The following C2CD2 variants were observed in gnomAD, a reference collection of about 807,000 sequenced individuals.
C2CD2 encodes C2 domain-containing protein 2.
A neutral mutation model predicts 74.3 loss-of-function variants in C2CD2; 43 were observed. That is an observed-to-expected ratio of 0.58 (90% CI 0.45 to 0.75). C2CD2 has a LOEUF of 0.75. C2CD2 is among the 30% of genes least tolerant of loss of function. C2CD2 has a pLI of 0.00. For synonymous variants in C2CD2, 422 were observed against 390.7 expected (o/e 1.08, Z -0.94); for missense variants, 801 against 916.3 (o/e 0.87, Z 1.63).
At chr21:41,902,576 C>A (rs2064912484) in intron 11 of C2CD2, among the ~76,000 whole-genome samples, 2 of 152,206 alleles carry the variant, frequency 1.3e-5, no homozygotes, top group African/African-American at 4.8e-5. Context: ...CTTACACTTT[C>A]CTGCTCAGGT....
chr21:41,928,558 A>AAAAAAAAAAAAC, intron 2 of C2CD2, among the ~76,000 whole-genome samples: 1 of 151,364 alleles, frequency 6.6e-6, no homozygotes, highest in Non-Finnish European at 1.5e-5. Flanking sequence ...AAAAAAAAAA[A>AAAAAAAAAAAAC]AAAAAAAAAA....
At chr21:41,889,981 A>C (rs1247349011) in intron 13 of C2CD2, among the ~76,000 whole-genome samples, 1 of 152,124 alleles carries the variant, frequency 6.6e-6, no homozygotes, top group African/African-American at 2.4e-5. Flanking sequence ...ATGGAGGCAG[A>C]CAGCTATTGC....
chr21:41,951,367 C>T (rs1173943748), intron 1 of C2CD2, among the ~76,000 whole-genome samples: 1 of 150,164 alleles, frequency 6.7e-6, no homozygotes, highest in East Asian at 2.0e-4. Flanking sequence ...CCACCCCCGT[C>T]CCCAGGAAAG....
chr21:41,944,804 A>G (rs2065385519), intron 1 of C2CD2, among the ~76,000 whole-genome samples: 1 of 152,222 alleles, frequency 6.6e-6, no homozygotes, highest in Non-Finnish European at 1.5e-5. Context: ...AGAAAAAGAA[A>G]CACACAAGAA....
At chr21:41,940,076 T>C (rs1370817798) in intron 2 of C2CD2, among the ~76,000 whole-genome samples, 1 of 152,192 alleles carries the variant, frequency 6.6e-6, no homozygotes, top group Non-Finnish European at 1.5e-5. Context: ...GGATTCGAGA[T>C]GCTTGACTAG....
chr21:41,901,276 T>C (rs566537646), intron 12 of C2CD2: 3 of 347,842 alleles, frequency 8.6e-6, no homozygotes, highest in Non-Finnish European at 1.6e-5. Context: ...AAAGTGAAAG[T>C]TCCCCGTGAC....
chr21:41,894,503 G>C, intron 13 of C2CD2: 1 of 392,920 alleles, frequency 2.5e-6, no homozygotes, highest in South Asian at 1.9e-5. Flanking sequence ...CAGCGTCTGA[G>C]AAGTGGCCAG....
chr21:41,941,966 T>C (rs1318431335), intron 2 of C2CD2, 181 bp downstream of exon 2: 1 of 340,776 alleles, frequency 2.9e-6, no homozygotes, highest in African/African-American at 2.2e-5. Flanking sequence ...CGGAATAACG[T>C]CCCATTATGT....
intron 5 of C2CD2, among the ~76,000 whole-genome samples, chr21:41,916,678 C>CAA (rs2065095451): frequency 6.7e-6 from 1 of 149,624 alleles, no homozygotes; most frequent in South Asian, 2.1e-4. Context: ...CACACACACA[C>CAA]ACACACACAC....
At position 41,906,982 on chromosome 21, in the gene C2CD2, G is replaced by T. The variant is rs1426593865; in HGVS notation, c.1318+10C>A. ...CAGAAAGTTCCTCGACTGCGTTCCT[G>T]TTGTCTCACCAGAGCTCAGCGGGGA... On this transcript the variant is annotated intron_variant, in intron 10 of 13. Coordinates refer to ENST00000380486, the MANE Select transcript of C2CD2 (RefSeq NM_015500.2). 6.2e-7 allele frequency: 1 copy of T among 1,610,118 alleles called. No individual in the cohort carries two copies. Among genetic ancestry groups the T allele is most frequent in the East Asian group, 2.2e-5 (1 of 44,816 alleles).
At chr21:41,915,065 G>C (rs1005915615) in intron 5 of C2CD2, among the ~76,000 whole-genome samples, 1 of 152,150 alleles carries the variant, frequency 6.6e-6, no homozygotes, top group Non-Finnish European at 1.5e-5. Flanking sequence ...TATCTGACCC[G>C]GGCAGGTGCT....
intron 1 of C2CD2, among the ~76,000 whole-genome samples, chr21:41,947,491 T>C (rs1221531404): frequency 1.3e-5 from 2 of 152,204 alleles, no homozygotes; most frequent in African/African-American, 4.8e-5. Flanking sequence ...ATTAATCTCC[T>C]TGTGTTATGA....
chr21:41,888,993 C>T lies in C2CD2; in HGVS notation c.*131G>A, dbSNP rs750388485. The stretch of plus-strand genomic sequence containing the variant: ...CAGATTTTGTTTTCCCTTTAAATGA[C>T]GAGATGGTTGGAAGAAACCCAGCAA... On this transcript the variant is annotated 3_prime_UTR_variant, in exon 14 of 14. Transcript: ENST00000380486. The T allele has an allele frequency of 2.7e-5, 19 of 711,050 alleles. No homozygotes were observed. The highest frequency in any genetic ancestry group is 2.6e-4 in the Admixed American group (11 of 41,572). 44.0% of individuals were successfully genotyped at this position (711,050 alleles called of 1,614,324 possible).
chr21:41,907,232 A>G (rs2064973584), intron 9 of C2CD2, 66 bp from the exon 10 acceptor site: 1 of 1,239,998 alleles, frequency 8.1e-7, no homozygotes, highest in Admixed American at 1.7e-5. Flanking sequence ...CAGCCAGGTA[A>G]CACTGCCTTC....
At chr21:41,941,760 C>T (rs1326234351) in intron 2 of C2CD2, among the ~76,000 whole-genome samples, 1 of 152,154 alleles carries the variant, frequency 6.6e-6, no homozygotes. Context: ...TCTCCATTTT[C>T]CCCCAAGAGT....
At chr21:41,896,812 C>T in intron 13 of C2CD2, among the ~76,000 whole-genome samples, 1 of 151,948 alleles carries the variant, frequency 6.6e-6, no homozygotes, top group Non-Finnish European at 1.5e-5. Flanking sequence ...GACTTGGCAC[C>T]CATAACACAG....
At chr21:41,944,325 A>C (rs1292119788) in intron 1 of C2CD2, among the ~76,000 whole-genome samples, 1 of 152,082 alleles carries the variant, frequency 6.6e-6, no homozygotes, top group African/African-American at 2.4e-5. Flanking sequence ...ATCCTGGCTA[A>C]CATGGTGAAA....
At chr21:41,901,836 A>C in intron 11 of C2CD2, 87 bp from the exon 12 acceptor site, 1 of 1,163,632 alleles carries the variant, frequency 8.6e-7, no homozygotes, top group East Asian at 2.4e-5. Flanking sequence ...ATGGTCGATA[A>C]GCAATGGTTA....
chr21:41,907,801 CAGGCA>C lies in C2CD2; in HGVS notation c.1019-22_1019-18del, dbSNP rs2064981964. On this transcript the variant is annotated intron_variant, in intron 8 of 13. Coordinates refer to ENST00000380486, the MANE Select transcript of C2CD2 (RefSeq NM_015500.2). ...CCAGCAGACCTGAAAAGATAGGAGA[CAGGCA>C]AGGGGTGCCGCTGATGTTTCCCGGG... 6.2e-7 allele frequency: 1 copy of C among 1,613,766 alleles called. No individual in the cohort carries two copies. Among genetic ancestry groups the C allele is most frequent in the Non-Finnish European group, 8.5e-7 (1 of 1,179,972 alleles).
Sources: gnomAD v4.1 joint callset for allele counts (sites outside exome capture counted in the v4.1 genomes callset) on GRCh38, gnomAD v4.1.1 for gene constraint, MANE v1.5 for transcripts, NCBI Gene and HGNC (gene_info 2026-07-23, HGNC 2026-07-21) for gene names.